Variants in ABHD12 observed in about 807,000 individuals in gnomAD.
The protein encoded by ABHD12 is abhydrolase domain containing 12, lysophospholipase, also known as lysophosphatidylserine lipase ABHD12.
In ABHD12, 43 loss-of-function variants were observed where a neutral mutation model predicts 58.3. That is an observed-to-expected ratio of 0.74 (90% CI 0.58 to 0.95). The LOEUF (loss-of-function observed/expected upper bound fraction) is 0.95. Ranked by LOEUF, ABHD12 falls within the 40% of genes least tolerant of loss-of-function variation. The pLI is 0.00. For synonymous variants in ABHD12, 219 were observed against 211.2 expected (o/e 1.04, Z -0.32); for missense variants, 539 against 537.2 (o/e 1.00, Z -0.03).
chr20:25,313,386 A>G (rs2088899450), intron 6 of ABHD12, among the ~76,000 whole-genome samples: 1 of 151,834 alleles, frequency 6.6e-6, no homozygotes, highest in Non-Finnish European at 1.5e-5. Context: ...TGAAGGCAGC[A>G]TGCTCATTAA....
chr20:25,345,412 C>T (rs1473258154), intron 1 of ABHD12, among the ~76,000 whole-genome samples: 1 of 152,084 alleles, frequency 6.6e-6, no homozygotes, highest in Non-Finnish European at 1.5e-5. Flanking sequence ...TACAAAACCA[C>T]CAAGGTATGA....
Position 25,308,469 on chromosome 20 carries a change from G to A in ABHD12, c.775C>T (p.Leu259Phe). 1 of 1,611,948 alleles carries A rather than the reference G, an allele frequency of 6.2e-7. No homozygotes were observed. Among genetic ancestry groups the A allele is most frequent in the Non-Finnish European group, 8.5e-7 (1 of 1,179,154 alleles). The change falls in exon 8 of 13, where the codon CTC becomes TTC. Residue 259 changes from leucine to phenylalanine, a missense_variant. Coordinates refer to ENST00000339157, the MANE Select transcript of ABHD12 (RefSeq NM_001042472.3). ...TGVATNLVRR[L>F]CERETPPDAL... is the part of the protein sequence containing the mutation. ...ACAAGGCACTCACCTCGCTCACAGAGGCGCCGCACCAGATTTGTCGCCACG... is the reference window on the plus strand; with the variant it reads ...ACAAGGCACTCACCTCGCTCACAGAAGCGCCGCACCAGATTTGTCGCCACG...
intron 4 of ABHD12, among the ~76,000 whole-genome samples, chr20:25,319,903 G>A (rs766889226): frequency 1.1e-4 from 17 of 152,216 alleles, no homozygotes; most frequent in South Asian, 6.2e-4. Context: ...GATAGGGGAC[G>A]GTCTGCACAC....
intron 1 of ABHD12, among the ~76,000 whole-genome samples, chr20:25,344,969 C>T (rs1462886222): frequency 1.3e-5 from 2 of 152,042 alleles, no homozygotes; most frequent in Middle Eastern, 3.2e-3. Flanking sequence ...GACCTGATAC[C>T]CTTCACAAAA....
chr20:25,304,354 G>T (rs1005906159), intron 10 of ABHD12, among the ~76,000 whole-genome samples: 1 of 152,212 alleles, frequency 6.6e-6, no homozygotes, highest in Admixed American at 6.5e-5. Context: ...CTCACCAGAG[G>T]CTCTGGAGGA....
At chr20:25,348,240 A>G (rs1349453505) in intron 1 of ABHD12, among the ~76,000 whole-genome samples, 5 of 151,958 alleles carry the variant, frequency 3.3e-5, no homozygotes, top group Non-Finnish European at 7.4e-5. Context: ...TTCACAGATA[A>G]AAACAACAAA....
intron 1 of ABHD12, among the ~76,000 whole-genome samples, chr20:25,352,523 C>T (rs1205148807): frequency 6.6e-6 from 1 of 152,144 alleles, no homozygotes; most frequent in Non-Finnish European, 1.5e-5. Flanking sequence ...CTCCTGACCT[C>T]AGGTGATCTA....
intron 10 of ABHD12, among the ~76,000 whole-genome samples, chr20:25,304,150 C>A (rs1362983452): frequency 6.6e-6 from 1 of 152,268 alleles, no homozygotes; most frequent in Admixed American, 6.5e-5. Context: ...CTCTCCTGTG[C>A]GGCCCTCACT....
At chr20:25,376,233 A>G (rs2089961470) in intron 1 of ABHD12, among the ~76,000 whole-genome samples, 4 of 152,238 alleles carry the variant, frequency 2.6e-5, no homozygotes, top group Admixed American at 2.6e-4. Flanking sequence ...ATTCCATGGT[A>G]TTCTCTTAGA....
At chr20:25,310,104 G>A (rs921482953) in intron 6 of ABHD12, 1 of 164,942 alleles carries the variant, frequency 6.1e-6, no homozygotes, top group Non-Finnish European at 1.3e-5. Context: ...CCATCCCCCA[G>A]CAGCATCCAT....
chr20:25,337,482 C>G (rs1454833447), intron 2 of ABHD12, among the ~76,000 whole-genome samples: 1 of 152,242 alleles, frequency 6.6e-6, no homozygotes, highest in African/African-American at 2.4e-5. Flanking sequence ...CTTAGGAAAC[C>G]CACAGAACAA....
At chr20:25,346,847 T>A (rs2089525940) in intron 1 of ABHD12, among the ~76,000 whole-genome samples, 1 of 152,158 alleles carries the variant, frequency 6.6e-6, no homozygotes, top group Non-Finnish European at 1.5e-5. Context: ...AGTTTCACTA[T>A]GTTAGCCAGG....
At chr20:25,338,145 A>G (rs78017287) in intron 2 of ABHD12, among the ~76,000 whole-genome samples, 173 of 152,232 alleles carry the variant, frequency 1.1e-3, no homozygotes, top group African/African-American at 3.7e-3. Flanking sequence ...ACCCAAACTC[A>G]TAAGCCCAGA....
chr20:25,307,251 C>T (rs1224128053), intron 9 of ABHD12, among the ~76,000 whole-genome samples: 2 of 152,222 alleles, frequency 1.3e-5, no homozygotes, highest in Non-Finnish European at 1.5e-5. Context: ...ACACCAGGGC[C>T]GCCACCCCTG....
At chr20:25,308,619 A>C in intron 7 of ABHD12, 125 bp from the exon 8 acceptor site, 2 of 1,213,110 alleles carry the variant, frequency 1.6e-6, no homozygotes, top group South Asian at 2.6e-5. Context: ...TTCAGGACAG[A>C]GTGGGGGAAA....
Position 25,303,549 on chromosome 20 carries a change from C to A in ABHD12, c.1029+1G>T, listed in dbSNP as rs1418915670. 6.2e-7 allele frequency: 1 copy of A among 1,613,448 alleles called. No homozygotes were observed. Among genetic ancestry groups the A allele is most frequent in the Non-Finnish European group, 8.5e-7 (1 of 1,179,956 alleles). ...CACCAGAGGCAGAGGCCAGGACCCA[C>A]CTTTCTGCCAAGCTGGAAGGGCACC... On this transcript the variant is annotated splice_donor_variant, in intron 11 of 12. Transcript: ENST00000339157. LOFTEE classifies it high-confidence loss of function.
At chr20:25,309,326 C>T (rs1463776355) in intron 7 of ABHD12, 120 bp downstream of exon 7, 17 of 1,457,392 alleles carry the variant, frequency 1.2e-5, no homozygotes, top group Non-Finnish European at 1.6e-5. Flanking sequence ...GGGAGCGAGG[C>T]TGGTCGGGAC....
rs587777602 is a variant in ABHD12, at chr20:25,302,260, G to C, written c.1116C>G (p.His372Gln). ...VPFHSDLGYRHKYIYKSPELP... is the reference protein window; with the variant it reads ...VPFHSDLGYRQKYIYKSPELP... ...GCTCAGGGCTCTTGTAAATGTATTT[G>C]TGCCTGTAGCCAAGGTCTGAATGAA... Residue 372 changes from histidine to glutamine, a missense_variant, in exon 12 of 13, where the codon CAC (histidine) becomes CAG (glutamine). By Grantham distance (24) the His-to-Gln change is conservative. Coordinates refer to ENST00000339157, the MANE Select transcript of ABHD12 (RefSeq NM_001042472.3). 1 of 1,613,732 alleles carries C rather than the reference G, an allele frequency of 6.2e-7. No homozygotes were observed. Among genetic ancestry groups the C allele is most frequent in the South Asian group, 1.1e-5 (1 of 91,046 alleles).
intron 2 of ABHD12, among the ~76,000 whole-genome samples, chr20:25,328,620 A>G (rs1215402093): frequency 6.6e-6 from 1 of 152,238 alleles, no homozygotes; most frequent in East Asian, 1.9e-4. Flanking sequence ...CTGGCCACTG[A>G]AAAGTATTTT....
Sources: gnomAD v4.1 joint callset for allele counts (sites outside exome capture counted in the v4.1 genomes callset) on GRCh38, gnomAD v4.1.1 for gene constraint, MANE v1.5 for transcripts, NCBI Gene and HGNC (gene_info 2026-07-23, HGNC 2026-07-21) for gene names.